The following SCAPER variants were observed in gnomAD, a reference collection of about 807,000 sequenced individuals.
SCAPER encodes the protein S phase cyclin A-associated protein in the endoplasmic reticulum.
In SCAPER, 98 loss-of-function variants were observed where a neutral mutation model predicts 182.2. The ratio of observed to expected loss-of-function variants is 0.54; its 90% CI spans 0.46 to 0.64. The LOEUF is 0.64. Ranked by LOEUF, SCAPER falls within the 30% of genes least tolerant of loss-of-function variation. The probability of loss-of-function intolerance (pLI) is 0.00; values close to 1 mark genes in which losing one functional copy is unlikely to be tolerated. For missense variants in SCAPER, 1,432 were observed against 1,690.0 expected, an observed-to-expected ratio of 0.85 and a Z score of 2.68; for synonymous variants, 605 against 564.6, an observed-to-expected ratio of 1.07 and a Z score of -1.01.
intron 22 of SCAPER, among the ~76,000 whole-genome samples, chr15:76,615,651 T>C (rs12440151): frequency 0.38 from 57,440 of 149,628 alleles, 12,924 homozygotes; most frequent in Middle Eastern, 0.52. Flanking sequence ...AAACCCCATC[T>C]CTACTAAAAA....
chr15:76,537,833 A>G lies in SCAPER; in HGVS notation c.2839-32859T>C, dbSNP rs577922886. Among the ~76,000 whole-genome samples the G allele has an allele frequency of 2.6e-5, 4 of 152,360 alleles. No individual in the cohort carries two copies. The East Asian group carries it at 7.7e-4, about 29-fold the overall frequency. ...CAACCTACTCATCTGACAAAGGGCTAATATCCAGAATCTACAATCAACTCA... is the reference window on the plus strand; with the variant it reads ...CAACCTACTCATCTGACAAAGGGCTGATATCCAGAATCTACAATCAACTCA... On this transcript the variant is annotated intron_variant, in intron 23 of 31. Coordinates refer to ENST00000563290, the MANE Select transcript of SCAPER (RefSeq NM_020843.4).
intron 15 of SCAPER, among the ~76,000 whole-genome samples, chr15:76,743,216 G>GA (rs536467865): frequency 5.6e-4 from 85 of 151,964 alleles, no homozygotes; most frequent in African/African-American, 2.0e-3. Flanking sequence ...TTTGAATAAG[G>GA]AAAAAAATAC....
chr15:76,889,714 T>C (rs940428957), intron 1 of SCAPER, among the ~76,000 whole-genome samples: 1 of 152,088 alleles, frequency 6.6e-6, no homozygotes. Context: ...TCCCACACAA[T>C]AATAATGGGA....
intron 15 of SCAPER, among the ~76,000 whole-genome samples, chr15:76,744,494 C>T (rs2061695372): frequency 6.6e-6 from 1 of 152,082 alleles, no homozygotes; most frequent in South Asian, 2.1e-4. Context: ...ATTGACATTT[C>T]TCAAAAGACA....
At chr15:76,572,911 TCTCTCTCTCA>T (rs1057195265) in intron 23 of SCAPER, among the ~76,000 whole-genome samples, 13 of 109,062 alleles carry the variant, frequency 1.2e-4, no homozygotes, top group Non-Finnish European at 2.3e-4. Context: ...TCTCTCTCTC[TCTCTCTCTCA>T]CACACACACA....
At chr15:76,402,979 A>G (rs978475596) in intron 27 of SCAPER, among the ~76,000 whole-genome samples, 14 of 152,180 alleles carry the variant, frequency 9.2e-5, no homozygotes, top group African/African-American at 2.9e-4. Context: ...CAGACTGTAA[A>G]ACAATCACAT....
At chr15:76,615,323 T>C (rs2051353584) in intron 22 of SCAPER, among the ~76,000 whole-genome samples, 1 of 151,884 alleles carries the variant, frequency 6.6e-6, no homozygotes, top group African/African-American at 2.4e-5. Flanking sequence ...CACACTCCTG[T>C]AGTCCCAAGC....
chr15:76,399,922 T>C (rs577941150), intron 27 of SCAPER, among the ~76,000 whole-genome samples: 1 of 151,128 alleles, frequency 6.6e-6, no homozygotes, highest in East Asian at 1.9e-4. Flanking sequence ...GGAGAATAAC[T>C]TGAACCCAGG....
intron 22 of SCAPER, among the ~76,000 whole-genome samples, chr15:76,575,536 A>G (rs2047754044): frequency 6.6e-6 from 1 of 152,178 alleles, no homozygotes; most frequent in African/African-American, 2.4e-5. Context: ...TATTACAGTC[A>G]TTCCTTCCAG....
At chr15:76,634,484 C>T (rs1487926356) in intron 21 of SCAPER, among the ~76,000 whole-genome samples, 2 of 152,092 alleles carry the variant, frequency 1.3e-5, no homozygotes, top group African/African-American at 2.4e-5. Context: ...ACAAAAGAGG[C>T]TATTGGAATT....
intron 26 of SCAPER, among the ~76,000 whole-genome samples, chr15:76,425,283 A>T (rs1486824325): frequency 6.6e-6 from 1 of 152,134 alleles, no homozygotes; most frequent in Non-Finnish European, 1.5e-5. Context: ...CTTTTCACAT[A>T]GTCCCATATT....
At chr15:76,732,769 T>G (rs1214997551) in intron 16 of SCAPER, among the ~76,000 whole-genome samples, 2 of 152,200 alleles carry the variant, frequency 1.3e-5, no homozygotes, top group Non-Finnish European at 2.9e-5. Context: ...ACTTTCATGT[T>G]CCATCCTGTA....
At chr15:76,695,602 A>G (rs921762766) in intron 20 of SCAPER, among the ~76,000 whole-genome samples, 4 of 151,906 alleles carry the variant, frequency 2.6e-5, no homozygotes, top group African/African-American at 9.7e-5. Context: ...GTCTCAAAAA[A>G]AAAAAAGAAA....
chr15:76,458,287 A>G (rs1055573631), intron 25 of SCAPER, among the ~76,000 whole-genome samples: 2 of 151,990 alleles, frequency 1.3e-5, no homozygotes, highest in African/African-American at 4.8e-5. Flanking sequence ...GTGCGTGTAT[A>G]TAAAGGGAAA....
intron 21 of SCAPER, among the ~76,000 whole-genome samples, chr15:76,649,021 G>A (rs1010271806): frequency 2.0e-5 from 3 of 152,130 alleles, no homozygotes; most frequent in Admixed American, 2.0e-4. Context: ...ATCAGACACC[G>A]CCTCCTCAAG....
intron 21 of SCAPER, among the ~76,000 whole-genome samples, chr15:76,644,408 A>G (rs1272594157): frequency 6.6e-6 from 1 of 152,126 alleles, no homozygotes; most frequent in Non-Finnish European, 1.5e-5. Context: ...TGCTTGATAA[A>G]TTTTCTAAAG....
intron 22 of SCAPER, among the ~76,000 whole-genome samples, chr15:76,604,594 TGAA>T (rs1567571550): frequency 3.6e-5 from 5 of 140,658 alleles, no homozygotes; most frequent in Non-Finnish European, 8.0e-5. Flanking sequence ...GGGATGGCAT[TGAA>T]TCTATAAATT....
intron 8 of SCAPER, among the ~76,000 whole-genome samples, chr15:76,785,227 C>T (rs1277390429): frequency 6.6e-6 from 1 of 152,208 alleles, no homozygotes; most frequent in African/African-American, 2.4e-5. Context: ...GATATGAACA[C>T]AGACACTTCT....
At chr15:76,752,863 A>G (rs1251186924) in intron 15 of SCAPER, among the ~76,000 whole-genome samples, 1 of 151,412 alleles carries the variant, frequency 6.6e-6, no homozygotes, top group Admixed American at 6.6e-5. Flanking sequence ...ACAATGATTC[A>G]GATGATAAAT....
Sources: allele counts gnomAD v4.1 joint callset (sites outside exome capture counted in the v4.1 genomes callset), GRCh38; gene constraint gnomAD v4.1.1; transcripts MANE v1.5; gene names NCBI Gene and HGNC (gene_info 2026-07-23, HGNC 2026-07-21).